ZBTB20: variants seen among roughly 807,000 people sequenced by gnomAD.
The protein encoded by ZBTB20 is zinc finger and BTB domain containing 20, also known as zinc finger and BTB domain-containing protein 20.
ZBTB20 carries 9 observed loss-of-function variants against 56.9 expected under a neutral mutation model. The observed-to-expected ratio is 0.16, with a 90% confidence interval of 0.10 to 0.28. The LOEUF (loss-of-function observed/expected upper bound fraction) is 0.28, where lower values mean the gene tolerates loss of function less well. Among genes scored for constraint, ZBTB20 ranks in the 10% least tolerant of loss-of-function variants. The pLI, the probability that ZBTB20 is intolerant of heterozygous loss-of-function variation, is 1.00. For missense variants in ZBTB20, 655 were observed against 1,003.0 expected, an observed-to-expected ratio of 0.65 and a Z score of 4.69; for synonymous variants, 417 against 420.7, an observed-to-expected ratio of 0.99 and a Z score of 0.11.
At position 114,337,040 on chromosome 3, in the gene ZBTB20, G is replaced by A. The variant is rs909036513; in HGVS notation, c.*1965C>T. The A allele has an allele frequency of 1.3e-5, 2 of 152,236 alleles. No individual in the cohort carries two copies. The highest frequency in any genetic ancestry group is 4.8e-5 in the African/African-American group (2 of 41,460). The allele number at this position is 152,236 out of a possible 1,614,324, so 9.4% of individuals were successfully genotyped here. A position where few individuals can be genotyped will look rare whatever the true frequency, so the allele number is the denominator to read the frequency against. On this transcript the variant is annotated 3_prime_UTR_variant, in exon 12 of 12. Transcript: ENST00000675478. The stretch of plus-strand genomic sequence containing the variant: ...AGGAGAGAAATCCCTACTAGGAAGA[G>A]AGAGTGGCATCTGGTATGATGCAAT...
chr3:114,461,227 C>T (rs537619029), intron 7 of ZBTB20, among the ~76,000 whole-genome samples: 2 of 151,812 alleles, frequency 1.3e-5, no homozygotes, highest in Non-Finnish European at 2.9e-5. Flanking sequence ...TTTTTCTGAG[C>T]TTTCTTAACA....
At chr3:115,085,926 C>T (rs1416046595) in intron 1 of ZBTB20, among the ~76,000 whole-genome samples, 6 of 151,830 alleles carry the variant, frequency 4.0e-5, no homozygotes, top group Admixed American at 1.3e-4. Flanking sequence ...CTCCCTTGCA[C>T]TCAAATTTAG....
intron 7 of ZBTB20, among the ~76,000 whole-genome samples, chr3:114,471,618 G>A (rs2040138674): frequency 6.6e-6 from 1 of 152,154 alleles, no homozygotes; most frequent in Non-Finnish European, 1.5e-5. Context: ...GCGACTGAGA[G>A]AATATGTAGA....
At chr3:114,990,711 T>G (rs1381716869) in intron 2 of ZBTB20, among the ~76,000 whole-genome samples, 1 of 152,176 alleles carries the variant, frequency 6.6e-6, no homozygotes, top group African/African-American at 2.4e-5. Flanking sequence ...TCTGGTAGAA[T>G]TCGGCTGTGG....
intron 7 of ZBTB20, among the ~76,000 whole-genome samples, chr3:114,410,067 G>A (rs927081879): frequency 1.3e-5 from 2 of 152,054 alleles, no homozygotes; most frequent in African/African-American, 4.8e-5. Flanking sequence ...ACCTTCTCAG[G>A]CAACTCAGAG....
At chr3:115,120,584 C>T (rs1455760584) in intron 1 of ZBTB20, among the ~76,000 whole-genome samples, 1 of 152,046 alleles carries the variant, frequency 6.6e-6, no homozygotes, top group African/African-American at 2.4e-5. Flanking sequence ...TGCAGAATGT[C>T]AATTGCCTTA....
intron 1 of ZBTB20, among the ~76,000 whole-genome samples, chr3:115,091,583 T>C (rs2083193969): frequency 6.6e-6 from 1 of 151,842 alleles, no homozygotes; most frequent in Admixed American, 6.6e-5. Context: ...GAAGGTAATT[T>C]ATAAAGGGAT....
chr3:114,517,987 G>C (rs944181978), intron 6 of ZBTB20, among the ~76,000 whole-genome samples: 1 of 151,984 alleles, frequency 6.6e-6, no homozygotes, highest in Admixed American at 6.6e-5. Context: ...CATTCTAAGG[G>C]GAAAAATTTG....
chr3:114,643,908 A>G (rs1239778108), intron 6 of ZBTB20, among the ~76,000 whole-genome samples: 1 of 152,028 alleles, frequency 6.6e-6, no homozygotes, highest in East Asian at 1.9e-4. Context: ...TTTTCCCTAT[A>G]TATTTTTACC....
chr3:114,760,432 C>CTA (rs1293998356), intron 5 of ZBTB20, among the ~76,000 whole-genome samples: 1 of 152,096 alleles, frequency 6.6e-6, no homozygotes, highest in Non-Finnish European at 1.5e-5. Flanking sequence ...GATGCATCAA[C>CTA]TATTTGTAAA....
At chr3:115,146,376 C>CGG (rs144727550) in intron 1 of ZBTB20, among the ~76,000 whole-genome samples, 4 of 135,804 alleles carry the variant, frequency 2.9e-5, no homozygotes, top group East Asian at 4.3e-4. Context: ...CAGCTGGGGG[C>CGG]GGGGGGTGGG....
chr3:114,892,488 A>G (rs549208695), intron 4 of ZBTB20, among the ~76,000 whole-genome samples: 1 of 152,328 alleles, frequency 6.6e-6, no homozygotes, highest in African/African-American at 2.4e-5. Context: ...GAGAAGAATG[A>G]GAAGTAAAAG....
Position 114,577,534 on chromosome 3 carries a change from G to T in ZBTB20, c.-294-77143C>A, listed in dbSNP as rs80193668. 3.0e-4 allele frequency among the ~76,000 whole-genome samples: 45 copies of T among 152,280 alleles called. No homozygotes were observed. The East Asian group carries it at 6.7e-3, about 23-fold the overall frequency. ...AAAAGAAGATGATTAGTTACAGAAA[G>T]CTACTAAAAGCAGCCCATGGTGCTG... is the stretch of plus-strand genomic sequence containing the variant. On this transcript the variant is annotated intron_variant, in intron 6 of 11. Transcript: ENST00000675478.
intron 4 of ZBTB20, among the ~76,000 whole-genome samples, chr3:114,810,243 T>C (rs2072419369): frequency 6.6e-6 from 1 of 152,194 alleles, no homozygotes; most frequent in Non-Finnish European, 1.5e-5. Context: ...TCTAGGAATA[T>C]GTGGTAGCTT....
At chr3:114,671,998 C>T (rs1421746909) in intron 6 of ZBTB20, among the ~76,000 whole-genome samples, 2 of 152,248 alleles carry the variant, frequency 1.3e-5, no homozygotes, top group East Asian at 3.9e-4. Flanking sequence ...GGAATTCTCA[C>T]ACTTCTGAGT....
At chr3:114,470,028 T>C (rs893808057) in intron 7 of ZBTB20, among the ~76,000 whole-genome samples, 1 of 152,168 alleles carries the variant, frequency 6.6e-6, no homozygotes, top group Non-Finnish European at 1.5e-5. Context: ...TTATCTAAAA[T>C]GCTCAAGATT....
At chr3:115,077,306 T>C (rs1335570614) in intron 1 of ZBTB20, among the ~76,000 whole-genome samples, 1 of 152,226 alleles carries the variant, frequency 6.6e-6, no homozygotes, top group Non-Finnish European at 1.5e-5. Context: ...TGTGATAGTA[T>C]TAAGAAGCAG....
rs189428476 is a variant in ZBTB20, at chr3:114,542,165, T to C, written c.-294-41774A>G. ...GAATGCCCAGATAACATTTAATACA[T>C]GATGCACTGAGCTGCATCAGCTAAC... On this transcript the variant is annotated intron_variant, in intron 6 of 11. Coordinates refer to ENST00000675478, the MANE Select transcript of ZBTB20 (RefSeq NM_001348800.3). 1.8e-4 allele frequency among the ~76,000 whole-genome samples: 28 copies of C among 152,280 alleles called. 1 individual carries two copies. Among genetic ancestry groups the C allele is most frequent in the Non-Finnish European group, 4.4e-5 (3 of 67,992 alleles).
intron 1 of ZBTB20, among the ~76,000 whole-genome samples, chr3:115,089,567 C>T (rs2083112100): frequency 6.6e-6 from 1 of 151,730 alleles, no homozygotes; most frequent in Admixed American, 6.6e-5. Flanking sequence ...TAGACATTAT[C>T]ATTTAACACA....
Sources: gnomAD v4.1 joint callset for allele counts (sites outside exome capture counted in the v4.1 genomes callset) on GRCh38, gnomAD v4.1.1 for gene constraint, MANE v1.5 for transcripts, NCBI Gene and HGNC (gene_info 2026-07-23, HGNC 2026-07-21) for gene names.